The following ITFG1 variants were observed in gnomAD, a reference collection of about 807,000 sequenced individuals.
ITFG1 encodes the protein integrin alpha FG-GAP repeat containing 1.
In ITFG1, 34 loss-of-function variants were observed where a neutral mutation model predicts 81.8. The observed-to-expected ratio is 0.42, with a 90% CI of 0.32 to 0.55. ITFG1 has a LOEUF of 0.55. Among genes scored for constraint, ITFG1 ranks in the 20% least tolerant of loss-of-function variants. ITFG1 has a pLI of 0.17. For missense variants in ITFG1, 672 were observed against 755.4 expected, an observed-to-expected ratio of 0.89 and a Z score of 1.29; for synonymous variants, 285 against 270.6, an observed-to-expected ratio of 1.05 and a Z score of -0.52.
Position 47,188,555 on chromosome 16 carries a change from T to C in ITFG1, c.1454-25891A>G, listed in dbSNP as rs374157363. Among the ~76,000 whole-genome samples, 289 of 138,158 alleles carry C rather than the reference T, an allele frequency of 2.1e-3. 9 individuals carry two copies. In the South Asian group the frequency reaches 0.046, roughly 22 times the overall value. The allele number at this position is 138,158 out of a possible 152,430, so 90.6% of individuals were successfully genotyped here. On this transcript the variant is annotated intron_variant, in intron 14 of 17. Transcript: ENST00000320640. ...GCATATTCTCACTCATAGGTGGGAA[T>C]TGAACAATGAGAACACATGGACAGA...
At chr16:47,428,407 T>C (rs1038801377) in intron 6 of ITFG1, among the ~76,000 whole-genome samples, 1 of 152,168 alleles carries the variant, frequency 6.6e-6, no homozygotes, top group African/African-American at 2.4e-5. Flanking sequence ...AAATTTTCCA[T>C]GATAACAAGT....
intron 13 of ITFG1, among the ~76,000 whole-genome samples, chr16:47,234,875 C>T (rs1965856627): frequency 6.6e-6 from 1 of 152,134 alleles, no homozygotes; most frequent in African/African-American, 2.4e-5. Flanking sequence ...CGGTTTCCCC[C>T]ATGGTGTTCT....
chr16:47,284,428 T>A (rs1309359511), intron 10 of ITFG1, among the ~76,000 whole-genome samples: 1 of 152,216 alleles, frequency 6.6e-6, no homozygotes, highest in African/African-American at 2.4e-5. Context: ...CAAAACGCGT[T>A]CCTCACACTC....
intron 6 of ITFG1, among the ~76,000 whole-genome samples, chr16:47,397,397 A>C (rs1968606997): frequency 6.6e-6 from 1 of 152,216 alleles, no homozygotes. Context: ...GTGGCTAACA[A>C]GATAAGTAAG....
rs189345796 is a variant in ITFG1 at position 47,261,026 on chromosome 16, T to A, written c.1071-331A>T. Among the ~76,000 whole-genome samples, 6 of 152,340 alleles carry A rather than the reference T, an allele frequency of 3.9e-5. No individual in the cohort carries two copies. In the East Asian group the frequency reaches 1.2e-3, roughly 29 times the overall value. Reference sequence around the variant, plus strand: ...TGCACACTGTCATTATCTGTTTAGATGTGTATTACTTTTCACTGAATATCT... The same window carrying A: ...TGCACACTGTCATTATCTGTTTAGAAGTGTATTACTTTTCACTGAATATCT... On this transcript the variant is annotated intron_variant, in intron 10 of 17. Coordinates refer to ENST00000320640, the MANE Select transcript of ITFG1 (RefSeq NM_030790.5).
chr16:47,383,631 C>T (rs1308641992), intron 6 of ITFG1, among the ~76,000 whole-genome samples: 1 of 152,234 alleles, frequency 6.6e-6, no homozygotes, highest in Non-Finnish European at 1.5e-5. Context: ...CTGGGCCGGG[C>T]ATGGTGGCAC....
At chr16:47,157,614 G>A (rs953203000) in intron 17 of ITFG1, 37 of 152,146 alleles carry the variant, frequency 2.4e-4, no homozygotes, top group African/African-American at 8.0e-4. Flanking sequence ...AGTATGTATG[G>A]TTGTCCTTGA....
chr16:47,169,378 T>A (rs1046906277), intron 14 of ITFG1, among the ~76,000 whole-genome samples: 3 of 152,182 alleles, frequency 2.0e-5, no homozygotes, highest in Non-Finnish European at 4.4e-5. Context: ...TCAGCAATGT[T>A]TTTTAGTTTT....
At chr16:47,310,916 G>A (rs1338777081) in intron 10 of ITFG1, among the ~76,000 whole-genome samples, 1 of 152,038 alleles carries the variant, frequency 6.6e-6, no homozygotes, top group Non-Finnish European at 1.5e-5. Flanking sequence ...CAGTGTCTTC[G>A]GTCTCAAAAT....
intron 10 of ITFG1, among the ~76,000 whole-genome samples, chr16:47,282,678 C>T (rs550916035): frequency 1.3e-5 from 2 of 152,084 alleles, no homozygotes; most frequent in Non-Finnish European, 2.9e-5. Flanking sequence ...ATACTGTTTT[C>T]CACAGAGGTT....
chr16:47,274,840 C>T (rs527382476), intron 10 of ITFG1, among the ~76,000 whole-genome samples: 1 of 152,132 alleles, frequency 6.6e-6, no homozygotes, highest in Non-Finnish European at 1.5e-5. Context: ...TTTTGTGGAA[C>T]AAAATCTGAG....
chr16:47,198,112 A>G (rs1965380245), intron 14 of ITFG1, among the ~76,000 whole-genome samples: 1 of 152,264 alleles, frequency 6.6e-6, no homozygotes, highest in African/African-American at 2.4e-5. Context: ...TAAAGAAAAC[A>G]GCAAAATTAT....
chr16:47,370,426 T>A (rs139223175), intron 7 of ITFG1, among the ~76,000 whole-genome samples: 3,239 of 152,276 alleles, frequency 0.021, 54 homozygotes, highest in South Asian at 0.032. Flanking sequence ...TGCTTTTGGG[T>A]AGGGGCTGCC....
At chr16:47,187,504 A>G (rs961816181) in intron 14 of ITFG1, among the ~76,000 whole-genome samples, 1 of 152,180 alleles carries the variant, frequency 6.6e-6, no homozygotes, top group African/African-American at 2.4e-5. Context: ...AAAAACAAGC[A>G]ATGGGGAAAG....
chr16:47,372,946 A>G (rs1414643637), intron 7 of ITFG1, among the ~76,000 whole-genome samples: 1 of 152,200 alleles, frequency 6.6e-6, no homozygotes, highest in Admixed American at 6.5e-5. Context: ...CAGATGTTGC[A>G]TGCTAACCTA....
chr16:47,365,819 C>T lies in ITFG1; in HGVS notation c.771G>A (p.Met257Ile). 1.2e-6 allele frequency: 2 copies of T among 1,607,596 alleles called. No homozygotes were observed. Among genetic ancestry groups the T allele is most frequent in the Non-Finnish European group, 1.7e-6 (2 of 1,175,024 alleles). ...CTGCAAATGCTGACTGTCCAACCAC[C>T]ATCATATTTTGAGGTTTTTCCAATA... ...STILEKPQNM[M>I]VVGQSAFADF... Residue 257 changes from methionine (M) to isoleucine (I), a missense_variant, in exon 8 of 18, where the codon ATG becomes ATA. By Grantham distance (10) the Met-to-Ile change is conservative. This residue lies in a region of ITFG1 where 560 missense variants were observed against 625.7 expected (regional missense o/e 0.90). Coordinates refer to ENST00000320640, the MANE Select transcript of ITFG1 (RefSeq NM_030790.5).
At chr16:47,453,848 C>T (rs1969418336) in intron 3 of ITFG1, among the ~76,000 whole-genome samples, 165 bp downstream of exon 3, 1 of 152,120 alleles carries the variant, frequency 6.6e-6, no homozygotes, top group Non-Finnish European at 1.5e-5. Context: ...GATCCCTGCC[C>T]AGTTCAGGGT....
intron 10 of ITFG1, among the ~76,000 whole-genome samples, chr16:47,293,635 CA>C (rs771688890): frequency 7.6e-4 from 115 of 152,064 alleles, no homozygotes; most frequent in Middle Eastern, 3.4e-3. Flanking sequence ...GCTTCTTGGC[CA>C]TCTATATGTC....
At chr16:47,347,799 G>C (rs900429562) in intron 8 of ITFG1, among the ~76,000 whole-genome samples, 1 of 152,220 alleles carries the variant, frequency 6.6e-6, no homozygotes, top group Non-Finnish European at 1.5e-5. Flanking sequence ...CCCCCAAGTA[G>C]GGGCAGACTG....
Sources: gnomAD v4.1 joint callset for allele counts (sites outside exome capture counted in the v4.1 genomes callset) on GRCh38, gnomAD v4.1.1 for gene constraint, gnomAD v4.1.1 regional missense constraint, MANE v1.5 for transcripts, NCBI Gene and HGNC (gene_info 2026-07-23, HGNC 2026-07-21) for gene names.